The following SLC60A1 variants were observed in gnomAD, a reference collection of about 807,000 sequenced individuals.
The protein encoded by SLC60A1 is solute carrier family 60 member 1.
chr1:205,590,449 G>A, the SLC60A1 span, among the ~76,000 whole-genome samples: 1 of 152,042 alleles, frequency 6.6e-6, no homozygotes, highest in African/African-American at 2.4e-5. Context: ...TCTCTCCTTC[G>A]GCCACTGTTT....
At chr1:205,572,713 T>C in the SLC60A1 span, among the ~76,000 whole-genome samples, 1 of 152,160 alleles carries the variant, frequency 6.6e-6, no homozygotes, top group African/African-American at 2.4e-5. Context: ...GCACCTTGTC[T>C]ACCAGTCAGC....
the SLC60A1 span, chr1:205,580,010 C>A: frequency 6.5e-7 from 1 of 1,527,940 alleles, no homozygotes; most frequent in South Asian, 1.2e-5. This position sits in a 1 kb window ranked among gnomAD's most constrained non-coding sequence, Gnocchi z 5.0. Flanking sequence ...CTCCCTAGGC[C>A]CCCTCAGTCT....
the SLC60A1 span, chr1:205,592,120 C>G: frequency 1.2e-6 from 2 of 1,613,620 alleles, no homozygotes; most frequent in Non-Finnish European, 1.7e-6. Flanking sequence ...TCCTAACCGC[C>G]TCCACCTCTG....
the SLC60A1 span, chr1:205,579,710 C>T: frequency 6.3e-7 from 1 of 1,593,514 alleles, no homozygotes; most frequent in Non-Finnish European, 8.6e-7. Flanking sequence ...GGAGGGGATG[C>T]TTCCAGCCCC....
At chr1:205,570,093 C>T in the SLC60A1 span, among the ~76,000 whole-genome samples, 1 of 152,178 alleles carries the variant, frequency 6.6e-6, no homozygotes, top group Non-Finnish European at 1.5e-5. Flanking sequence ...CTCTGCCCCA[C>T]GACAGGGCTC....
the SLC60A1 span, among the ~76,000 whole-genome samples, chr1:205,575,411 G>C: frequency 6.6e-6 from 1 of 152,180 alleles, no homozygotes. Flanking sequence ...TGGCATGGGG[G>C]CTGGGCTTCA....
At chr1:205,572,828 C>T in the SLC60A1 span, among the ~76,000 whole-genome samples, 3 of 152,200 alleles carry the variant, frequency 2.0e-5, no homozygotes, top group African/African-American at 7.2e-5. Flanking sequence ...TCCCAACTCC[C>T]AGGTATGATC....
At chr1:205,594,760 A>G in the SLC60A1 span, among the ~76,000 whole-genome samples, 2 of 151,998 alleles carry the variant, frequency 1.3e-5, no homozygotes, top group Non-Finnish European at 2.9e-5. Context: ...ATCTTCATTG[A>G]CCTGCTTGGA....
At chr1:205,599,440 G>T in the SLC60A1 span, among the ~76,000 whole-genome samples, 92 of 152,250 alleles carry the variant, frequency 6.0e-4, 1 homozygote, top group Middle Eastern at 3.4e-3. Context: ...GATTGTCTGC[G>T]CTGGACTCTT....
the SLC60A1 span, among the ~76,000 whole-genome samples, chr1:205,596,674 T>C: frequency 8.1e-6 from 1 of 122,846 alleles, no homozygotes; most frequent in South Asian, 3.0e-4. Context: ...TTACGGAGGG[T>C]GGAGGGGGAG....
the SLC60A1 span, among the ~76,000 whole-genome samples, chr1:205,594,117 C>T: frequency 6.6e-6 from 1 of 152,180 alleles, no homozygotes; most frequent in Non-Finnish European, 1.5e-5. Context: ...CTACTCAGGA[C>T]ATCATGCTGG....
the SLC60A1 span, among the ~76,000 whole-genome samples, chr1:205,581,624 A>T: frequency 3.3e-5 from 5 of 150,532 alleles, no homozygotes; most frequent in Non-Finnish European, 1.5e-5. This position sits in a 1 kb window ranked among gnomAD's most constrained non-coding sequence, Gnocchi z 4.2. Flanking sequence ...TGTCGGGAAC[A>T]CCAGAGCATC....
the SLC60A1 span, among the ~76,000 whole-genome samples, chr1:205,575,172 C>T: frequency 1.3e-5 from 2 of 152,202 alleles, no homozygotes; most frequent in African/African-American, 4.8e-5. Flanking sequence ...CCATCTCCTT[C>T]TGGGCTGCTG....
the SLC60A1 span, among the ~76,000 whole-genome samples, chr1:205,587,277 C>T: frequency 6.6e-6 from 1 of 152,180 alleles, no homozygotes; most frequent in South Asian, 2.1e-4. Flanking sequence ...ACTACCTTTC[C>T]AAGTAGCCCA....
the SLC60A1 span, among the ~76,000 whole-genome samples, chr1:205,583,194 C>G: frequency 1.3e-5 from 2 of 152,196 alleles, no homozygotes; most frequent in African/African-American, 2.4e-5. Flanking sequence ...CCCCAGGCAA[C>G]CTCAGAAGCA....
chr1:205,570,535 A>G, the SLC60A1 span, among the ~76,000 whole-genome samples: 1 of 152,250 alleles, frequency 6.6e-6, no homozygotes, highest in Non-Finnish European at 1.5e-5. Flanking sequence ...CACAGGTGTC[A>G]GTACAGATGG....
At chr1:205,586,728 C>T in the SLC60A1 span, among the ~76,000 whole-genome samples, 21 of 151,412 alleles carry the variant, frequency 1.4e-4, 1 homozygote, top group East Asian at 3.9e-3. Flanking sequence ...ATAGGGTCTC[C>T]CTTTGTCACC....
At chr1:205,584,861 C>T in the SLC60A1 span, 2 of 1,611,448 alleles carry the variant, frequency 1.2e-6, no homozygotes, top group Non-Finnish European at 1.7e-6. Flanking sequence ...CCTGTTCTTC[C>T]TGTGCCTCCT....
chr1:205,584,225 T>TC, the SLC60A1 span: 1 of 1,311,184 alleles, frequency 7.6e-7, no homozygotes, highest in East Asian at 2.6e-5. Flanking sequence ...GTGATTTTTT[T>TC]TTTTTTTTTT....
Sources: allele counts gnomAD v4.1 joint callset (sites outside exome capture counted in the v4.1 genomes callset), GRCh38; gene constraint gnomAD v4.1.1; non-coding constraint Gnocchi (gnomAD v3.1); transcripts MANE v1.5; gene names NCBI Gene and HGNC (gene_info 2026-07-23, HGNC 2026-07-21).